ZFAT: variants seen among roughly 807,000 people sequenced by gnomAD.
ZFAT encodes zinc finger and AT-hook domain containing.
ZFAT carries 64 observed loss-of-function variants against 117.7 expected under a neutral mutation model. The ratio of observed to expected loss-of-function variants is 0.54; its 90% CI spans 0.44 to 0.67. The LOEUF is 0.67. ZFAT is among the 30% of genes least tolerant of loss of function. The probability of loss-of-function intolerance (pLI) is 0.00; values close to 1 mark genes in which losing one functional copy is unlikely to be tolerated. For missense variants in ZFAT, 1,433 were observed against 1,584.5 expected (o/e 0.90, Z 1.62); for synonymous variants, 679 against 615.0 (o/e 1.10, Z -1.54).
chr8:134,823,766 C>T, the ZFAT span, among the ~76,000 whole-genome samples: 1 of 152,204 alleles, frequency 6.6e-6, no homozygotes, highest in Admixed American at 6.5e-5. Context: ...TCACAATCAA[C>T]TTTTAAGATC....
At chr8:134,829,839 T>C in the ZFAT span, among the ~76,000 whole-genome samples, 1 of 152,206 alleles carries the variant, frequency 6.6e-6, no homozygotes, top group Non-Finnish European at 1.5e-5. Context: ...TGTTCACCTG[T>C]GGTAGAATAT....
Position 134,694,712 on chromosome 8 carries a change from G to C in ZFAT, c.19+18133C>G, listed in dbSNP as rs531319809. Reference sequence around the variant, plus strand: ...CCAGATCCATGGTCTTTTACTTGCAGAAACTTCAGCTCTCGTGTGTTCCTG... The same window carrying C: ...CCAGATCCATGGTCTTTTACTTGCACAAACTTCAGCTCTCGTGTGTTCCTG... On this transcript the variant is annotated intron_variant, in intron 1 of 15. Coordinates refer to ENST00000377838, the MANE Select transcript of ZFAT (RefSeq NM_020863.4). Among the ~76,000 whole-genome samples the C allele has an allele frequency of 7.2e-5, 11 of 152,240 alleles. No individual in the cohort carries two copies. The South Asian group carries it at 2.3e-3, about 32-fold the overall frequency.
At chr8:134,813,982 T>C in the ZFAT span, among the ~76,000 whole-genome samples, 1 of 152,162 alleles carries the variant, frequency 6.6e-6, no homozygotes, top group Non-Finnish European at 1.5e-5. Flanking sequence ...AGTTAATATC[T>C]TTCCTTTTTA....
chr8:134,749,517 T>G, the ZFAT span, among the ~76,000 whole-genome samples: 1 of 152,088 alleles, frequency 6.6e-6, no homozygotes, highest in Non-Finnish European at 1.5e-5. Context: ...CTCTTGAGGG[T>G]AGAGCCCTCA....
At chr8:134,578,003 G>A (rs1050479093) in intron 10 of ZFAT, among the ~76,000 whole-genome samples, 1 of 151,874 alleles carries the variant, frequency 6.6e-6, no homozygotes, top group African/African-American at 2.4e-5. Context: ...CGTCAATAAA[G>A]ACCTCCAGGA....
chr8:134,514,051 T>C (rs941630757), intron 13 of ZFAT, among the ~76,000 whole-genome samples: 1 of 152,246 alleles, frequency 6.6e-6, no homozygotes, highest in African/African-American at 2.4e-5. Context: ...AAGCATGTCA[T>C]AGTTGCTGTC....
At chr8:134,806,435 A>G in the ZFAT span, among the ~76,000 whole-genome samples, 1 of 152,196 alleles carries the variant, frequency 6.6e-6, no homozygotes, top group Non-Finnish European at 1.5e-5. Flanking sequence ...TCCAGTGGCT[A>G]TTTACAACAA....
chr8:134,648,836 G>C (rs934930290), intron 2 of ZFAT, among the ~76,000 whole-genome samples: 2 of 151,876 alleles, frequency 1.3e-5, no homozygotes, highest in Non-Finnish European at 2.9e-5. Flanking sequence ...AAAGACTCTA[G>C]ACCAATATCT....
intron 1 of ZFAT, among the ~76,000 whole-genome samples, chr8:134,681,197 G>T (rs1586943348): frequency 6.6e-6 from 1 of 152,186 alleles, no homozygotes; most frequent in Non-Finnish European, 1.5e-5. Context: ...GATCTGAAAG[G>T]CTGGCTATGG....
At chr8:134,738,758 G>C in the ZFAT span, among the ~76,000 whole-genome samples, 1 of 152,188 alleles carries the variant, frequency 6.6e-6, no homozygotes, top group South Asian at 2.1e-4. Context: ...AGGAAGCAGA[G>C]GGGCTGAATT....
intron 13 of ZFAT, among the ~76,000 whole-genome samples, chr8:134,517,987 T>C (rs190836486): frequency 6.6e-6 from 1 of 152,312 alleles, no homozygotes. Context: ...CACCATAAAG[T>C]TCCTATTTTT....
intron 1 of ZFAT, chr8:134,673,468 T>C: frequency 4.6e-6 from 1 of 215,584 alleles, no homozygotes; most frequent in Non-Finnish European, 1.0e-5. Flanking sequence ...AGGATCCTTC[T>C]GAGAATGCTA....
chr8:134,820,877 G>C, the ZFAT span, among the ~76,000 whole-genome samples: 1 of 152,164 alleles, frequency 6.6e-6, no homozygotes, highest in African/African-American at 2.4e-5. Flanking sequence ...ATAAACACAA[G>C]GATAGAGACT....
Position 134,601,979 on chromosome 8 carries a change from G to A in ZFAT, c.1740C>T (p.Thr580=), listed in dbSNP as rs376647772. The A allele has an allele frequency of 3.1e-5, 50 of 1,613,640 alleles. No homozygotes were observed. Among genetic ancestry groups the A allele is most frequent in the African/African-American group, 2.7e-4 (20 of 74,936 alleles). Residue 580 remains threonine, a synonymous_variant, in exon 6 of 16, where the codon ACC becomes ACT. Transcript: ENST00000377838. ...TALPPCELET[T]VVSSSDLHSQ... is the part of the protein sequence containing the mutation. Reference sequence around the variant, plus strand: ...AATGCAGGTCTGAGGAGGAGACCACGGTGGTTTCCAGCTCACAGGGTGGCA... The same window carrying A: ...AATGCAGGTCTGAGGAGGAGACCACAGTGGTTTCCAGCTCACAGGGTGGCA...
intron 2 of ZFAT, among the ~76,000 whole-genome samples, chr8:134,654,438 A>G (rs1463665367): frequency 6.6e-6 from 1 of 152,198 alleles, no homozygotes; most frequent in African/African-American, 2.4e-5. Flanking sequence ...GAAGTTTTAC[A>G]AGTGTGGGTT....
intron 1 of ZFAT, among the ~76,000 whole-genome samples, chr8:134,666,271 C>T (rs1414833967): frequency 6.6e-6 from 1 of 152,172 alleles, no homozygotes. Flanking sequence ...CTTCTACCCC[C>T]CATTGGCAGT....
the ZFAT span, among the ~76,000 whole-genome samples, chr8:134,762,692 T>A: frequency 1.3e-5 from 2 of 152,256 alleles, no homozygotes; most frequent in African/African-American, 4.8e-5. Flanking sequence ...ATCTTCAGAT[T>A]CATCCTTTTC....
chr8:134,704,461 AG>A (rs1406205703), intron 1 of ZFAT, among the ~76,000 whole-genome samples: 1 of 152,160 alleles, frequency 6.6e-6, no homozygotes, highest in African/African-American at 2.4e-5. Flanking sequence ...CACCAGTCCC[AG>A]GGGCTTCCTC....
At chr8:134,614,247 C>T (rs539185387) in intron 3 of ZFAT, among the ~76,000 whole-genome samples, 6 of 152,320 alleles carry the variant, frequency 3.9e-5, no homozygotes, top group Admixed American at 1.3e-4. Flanking sequence ...GACTTGCAAG[C>T]ACACACCCTC....
Sources: gnomAD v4.1 joint callset for allele counts (sites outside exome capture counted in the v4.1 genomes callset) on GRCh38, gnomAD v4.1.1 for gene constraint, MANE v1.5 for transcripts, NCBI Gene and HGNC (gene_info 2026-07-23, HGNC 2026-07-21) for gene names.